ABCG8: variants seen among roughly 807,000 people sequenced by gnomAD.
ABCG8 encodes ATP binding cassette subfamily G member 8.
ABCG8 carries 81 observed loss-of-function variants against 71.3 expected under a neutral mutation model. The observed-to-expected ratio is 1.14, with a 90% confidence interval of 0.95 to 1.37. The LOEUF (loss-of-function observed/expected upper bound fraction) is 1.37, where lower values mean the gene tolerates loss of function less well. ABCG8 is among the 40% of genes most tolerant of loss of function. ABCG8 has a pLI of 0.00. For missense variants in ABCG8, 1,119 were observed against 866.2 expected (o/e 1.29, Z -3.66); for synonymous variants, 451 against 354.7 (o/e 1.27, Z -3.05).
At chr2:43,840,462 G>A (rs1246772165) in intron 1 of ABCG8, among the ~76,000 whole-genome samples, 1 of 152,178 alleles carries the variant, frequency 6.6e-6, no homozygotes, top group Non-Finnish European at 1.5e-5. Context: ...AATGCACGCA[G>A]GCCCTGCCAT....
Position 43,881,702 on chromosome 2 carries a change from TG to T in ABCG8, c.*3790del, listed in dbSNP as rs1425192510. The T allele has an allele frequency of 1.6e-5, 2 of 121,302 alleles. No individual in the cohort carries two copies. The highest frequency in any genetic ancestry group is 3.4e-5 in the Non-Finnish European group (2 of 58,578). The allele number at this position is 121,302 out of a possible 1,614,324, so 7.5% of individuals were successfully genotyped here. A position where few individuals can be genotyped will look rare whatever the true frequency, so the allele number is the denominator to read the frequency against. ...CCAGCCTGGTGACAGAGCGATACTC[TG>T]TCTCAAAAAAAAAAAAAAAAAACCC... On this transcript the variant is annotated 3_prime_UTR_variant, in exon 13 of 13. Transcript: ENST00000272286.
rs191791909 is a variant in ABCG8 at position 43,865,763 on chromosome 2, C to T, written c.965-6213C>T. 9.2e-5 allele frequency among the ~76,000 whole-genome samples: 14 copies of T among 152,108 alleles called. 1 individual carries two copies. The highest frequency in any genetic ancestry group is 5.8e-4 in the East Asian group (3 of 5,176). On this transcript the variant is annotated intron_variant, in intron 6 of 12. Coordinates refer to ENST00000272286, the MANE Select transcript of ABCG8 (RefSeq NM_022437.3). ...ATTCTTAATCTCTGGATAGAAGTCT[C>T]ACTATCAGTCTGGATAGAATTCTCA...
At chr2:43,860,982 C>G (rs777075066) in intron 6 of ABCG8, among the ~76,000 whole-genome samples, 11 of 149,654 alleles carry the variant, frequency 7.4e-5, no homozygotes, top group Middle Eastern at 3.3e-3. Flanking sequence ...GGATAGAACT[C>G]TCACTATCCG....
Position 43,851,634 on chromosome 2 carries a change from G to C in ABCG8, c.373G>C (p.Gly125Arg). The C allele has an allele frequency of 6.2e-7, 1 of 1,614,246 alleles. No homozygotes were observed. Residue 125 changes from glycine (G) to arginine (R), a missense_variant, in exon 4 of 13, where the codon GGC becomes CGC. Transcript: ENST00000272286. ...TGTGATCACTGGCCGAGGTCACGGC[G>C]GCAAGATCAAGTCAGGCCAGATCTG... ...LDVITGRGHG[G>R]KIKSGQIWIN...
chr2:43,842,112 C>G (rs1429640200), intron 1 of ABCG8, among the ~76,000 whole-genome samples: 1 of 152,036 alleles, frequency 6.6e-6, no homozygotes, highest in Admixed American at 6.6e-5. Flanking sequence ...TCAAGTGATT[C>G]TCCTGCCTCA....
At chr2:43,863,137 A>T (rs1261816548) in intron 6 of ABCG8, among the ~76,000 whole-genome samples, 1 of 146,948 alleles carries the variant, frequency 6.8e-6, no homozygotes, top group Admixed American at 6.7e-5. Context: ...CTCTCTGGAT[A>T]TAACTCTCAC....
At chr2:43,850,722 C>T (rs201829043) in intron 3 of ABCG8, among the ~76,000 whole-genome samples, 2 of 152,172 alleles carry the variant, frequency 1.3e-5, no homozygotes, top group Admixed American at 6.5e-5. Flanking sequence ...AGACCAGCCT[C>T]GCCAACATGG....
At position 43,878,461 on chromosome 2, in the gene ABCG8, C is replaced by CA. The variant is rs1670033295; in HGVS notation, c.*549dup. 3 of 208,486 alleles carry CA rather than the reference C, an allele frequency of 1.4e-5. No individual in the cohort carries two copies. Among genetic ancestry groups the CA allele is most frequent in the Non-Finnish European group, 3.0e-5 (3 of 101,242 alleles). 12.9% of individuals were successfully genotyped at this position (208,486 alleles called of 1,614,324 possible). A position where few individuals can be genotyped will look rare whatever the true frequency, so the allele number is the denominator to read the frequency against. The stretch of plus-strand genomic sequence containing the variant: ...CGTGAACAATTAAAAATGTATTGAG[C>CA]ATCTACTCTGTAGCAGGTCCTGTGA... On this transcript the variant is annotated 3_prime_UTR_variant, in exon 13 of 13. Transcript: ENST00000272286.
intron 6 of ABCG8, among the ~76,000 whole-genome samples, chr2:43,865,820 G>T (rs4245793): frequency 6.6e-6 from 1 of 151,452 alleles, no homozygotes; most frequent in Non-Finnish European, 1.5e-5. Flanking sequence ...TATCTGTCTA[G>T]ATAGATCTCT....
At chr2:43,839,399 T>C (rs1224905213) in intron 1 of ABCG8, among the ~76,000 whole-genome samples, 2 of 137,034 alleles carry the variant, frequency 1.5e-5, no homozygotes, top group African/African-American at 5.3e-5. Context: ...TTTTCTTTTC[T>C]TCTCTTTTTT....
intron 6 of ABCG8, among the ~76,000 whole-genome samples, chr2:43,856,695 A>G (rs1170447813): frequency 2.0e-5 from 3 of 152,016 alleles, no homozygotes; most frequent in African/African-American, 7.2e-5. Flanking sequence ...CACTTTCTGG[A>G]TAGAACTCTC....
At chr2:43,840,689 T>A (rs1262020670) in intron 1 of ABCG8, among the ~76,000 whole-genome samples, 2 of 152,150 alleles carry the variant, frequency 1.3e-5, no homozygotes, top group Admixed American at 1.3e-4. Context: ...ATGTGTAAAT[T>A]GAGAAATTCT....
In ABCG8 at chr2:43,880,902, C is replaced by G. The variant is rs1435204027; in HGVS notation, c.*2989C>G. On this transcript the variant is annotated 3_prime_UTR_variant, in exon 13 of 13. Transcript: ENST00000272286. ...TCTCCTGTATGGACGTCCTGCCTACCCTGCTCAGGCTCTAACTCCCAAGTC... is the reference window on the plus strand; with the variant it reads ...TCTCCTGTATGGACGTCCTGCCTACGCTGCTCAGGCTCTAACTCCCAAGTC... 1 of 152,256 alleles carries G rather than the reference C, an allele frequency of 6.6e-6. No individual in the cohort carries two copies. Among genetic ancestry groups the G allele is most frequent in the Non-Finnish European group, 1.5e-5 (1 of 68,070 alleles). The allele number at this position is 152,256 out of a possible 1,614,324, so 9.4% of individuals were successfully genotyped here.
chr2:43,877,962 A>C lies in ABCG8; in HGVS notation c.*49A>C. On this transcript the variant is annotated 3_prime_UTR_variant, in exon 13 of 13. Coordinates refer to ENST00000272286, the MANE Select transcript of ABCG8 (RefSeq NM_022437.3). Reference sequence around the variant, plus strand: ...GGTGGGGGACCTGAGCAGACCCTTCAACTGCACTCCCTCCTCAGGAGCCCC... The same window carrying C: ...GGTGGGGGACCTGAGCAGACCCTTCCACTGCACTCCCTCCTCAGGAGCCCC... The C allele has an allele frequency of 6.2e-7, 1 of 1,613,426 alleles. No homozygotes were observed. The highest frequency in any genetic ancestry group is 8.5e-7 in the Non-Finnish European group (1 of 1,179,822).
Position 43,871,817 on chromosome 2 carries a change from C to G in ABCG8, c.965-159C>G, listed in dbSNP as rs868032900. On this transcript the variant is annotated intron_variant, in intron 6 of 12. Transcript: ENST00000272286. Reference sequence around the variant, plus strand: ...CAGCCCTTGGGGTCCCTCTGCCTCTCTCTGCTCTGCCCCTTGCTTCATGGC... The same window carrying G: ...CAGCCCTTGGGGTCCCTCTGCCTCTGTCTGCTCTGCCCCTTGCTTCATGGC... 7.2e-5 allele frequency among the ~76,000 whole-genome samples: 11 copies of G among 152,344 alleles called. 1 individual carries two copies. The highest frequency in any genetic ancestry group is 3.4e-3 in the Middle Eastern group (1 of 294).
At chr2:43,877,389 T>C (rs1290748900) in intron 11 of ABCG8, among the ~76,000 whole-genome samples, 172 bp from the exon 12 acceptor site, 2 of 149,402 alleles carry the variant, frequency 1.3e-5, no homozygotes, top group Non-Finnish European at 3.0e-5. Context: ...CCCATGGGAA[T>C]ATGGGGAGAC....
intron 6 of ABCG8, among the ~76,000 whole-genome samples, chr2:43,853,632 T>C (rs1669001219): frequency 6.6e-6 from 1 of 152,130 alleles, no homozygotes; most frequent in Non-Finnish European, 1.5e-5. Flanking sequence ...AGCGATCATC[T>C]CCTTGAAGGC....
Position 43,877,661 on chromosome 2 carries a change from C to A in ABCG8, c.1857C>A (p.Asn619Lys). 1 of 1,614,110 alleles carries A rather than the reference C, an allele frequency of 6.2e-7. No homozygotes were observed. Among genetic ancestry groups the A allele is most frequent in the African/African-American group, 1.3e-5 (1 of 75,016 alleles). Residue 619 changes from asparagine to lysine, a missense_variant, in exon 12 of 13, where the codon AAC (asparagine) becomes AAA (lysine). By Grantham distance (94) the Asn-to-Lys change is moderately conservative. Transcript: ENST00000272286. ...GAACTTATAAAATGCCTCTCGGGAA[C>A]CTCACCATCGCGGTCTCAGGAGATA... ...SRRTYKMPLG[N>K]LTIAVSGDKI...
At chr2:43,861,877 T>G (rs1308994829) in intron 6 of ABCG8, among the ~76,000 whole-genome samples, 2 of 151,310 alleles carry the variant, frequency 1.3e-5, no homozygotes, top group Non-Finnish European at 3.0e-5. Context: ...ACCATCTGCA[T>G]TGAAATCTCA....
Sources: gnomAD v4.1 joint callset for allele counts (sites outside exome capture counted in the v4.1 genomes callset) on GRCh38, gnomAD v4.1.1 for gene constraint, MANE v1.5 for transcripts, NCBI Gene and HGNC (gene_info 2026-07-23, HGNC 2026-07-21) for gene names.